Variants in MTUS2 observed in about 807,000 individuals in gnomAD.
MTUS2 encodes the protein microtubule-associated tumor suppressor candidate 2.
In MTUS2, 40 loss-of-function variants were observed where a neutral mutation model predicts 114.1. The ratio of observed to expected loss-of-function variants is 0.35; its 90% confidence interval spans 0.27 to 0.46. The LOEUF is 0.46. Among genes scored for constraint, MTUS2 ranks in the 20% least tolerant of loss-of-function variants. The pLI is 1.00. For synonymous variants in MTUS2, 688 were observed against 672.0 expected, an observed-to-expected ratio of 1.02 and a Z score of -0.37; for missense variants, 1,679 against 1,705.4, an observed-to-expected ratio of 0.98 and a Z score of 0.27.
chr13:29,313,876 C>T (rs573567695), intron 6 of MTUS2, among the ~76,000 whole-genome samples: 1 of 152,220 alleles, frequency 6.6e-6, no homozygotes, highest in East Asian at 1.9e-4. Flanking sequence ...TTATCAGTAG[C>T]AACCCTGGAA....
intron 4 of MTUS2, among the ~76,000 whole-genome samples, chr13:29,071,016 T>C (rs1888897180): frequency 6.6e-6 from 1 of 152,028 alleles, no homozygotes; most frequent in Non-Finnish European, 1.5e-5. Context: ...TATTGATTTA[T>C]TTTTTTGAGA....
At chr13:29,268,113 C>T (rs1897735448) in intron 5 of MTUS2, among the ~76,000 whole-genome samples, 1 of 152,084 alleles carries the variant, frequency 6.6e-6, no homozygotes, top group African/African-American at 2.4e-5. Flanking sequence ...TCGTCATCTA[C>T]ATTAGGTATT....
At chr13:29,130,301 C>CTGG (rs1385692842) in intron 5 of MTUS2, among the ~76,000 whole-genome samples, 1 of 152,206 alleles carries the variant, frequency 6.6e-6, no homozygotes, top group Non-Finnish European at 1.5e-5. Context: ...CCCATGTTAT[C>CTGG]TGGTCCCATT....
chr13:28,877,596 C>G (rs192658586), intron 2 of MTUS2, among the ~76,000 whole-genome samples: 228 of 152,120 alleles, frequency 1.5e-3, no homozygotes, highest in Non-Finnish European at 2.9e-3. Context: ...CATTACTCAT[C>G]GAAACTTGTT....
At chr13:29,093,304 G>A (rs369990833) in intron 4 of MTUS2, among the ~76,000 whole-genome samples, 1 of 152,058 alleles carries the variant, frequency 6.6e-6, no homozygotes, top group Admixed American at 6.6e-5. Flanking sequence ...TTAGCTGGGC[G>A]TGGTGGTGCA....
chr13:29,218,064 T>A (rs1273024112), intron 5 of MTUS2, among the ~76,000 whole-genome samples: 1 of 151,858 alleles, frequency 6.6e-6, no homozygotes, highest in African/African-American at 2.4e-5. Context: ...CTGCAGTGAG[T>A]TATGATTGTG....
At chr13:29,141,058 AT>A (rs1391953764) in intron 5 of MTUS2, among the ~76,000 whole-genome samples, 1 of 152,250 alleles carries the variant, frequency 6.6e-6, no homozygotes, top group Non-Finnish European at 1.5e-5. Flanking sequence ...TTAGCATAAA[AT>A]ATATTAATGT....
intron 11 of MTUS2, among the ~76,000 whole-genome samples, 160 bp from the exon 12 acceptor site, chr13:29,492,485 CA>C (rs1349004088): frequency 6.6e-6 from 1 of 152,030 alleles, no homozygotes; most frequent in Non-Finnish European, 1.5e-5. Flanking sequence ...CTGGTCATGA[CA>C]TACAATTTCA....
chr13:29,374,621 G>T (rs1871439796), intron 8 of MTUS2, among the ~76,000 whole-genome samples: 1 of 152,192 alleles, frequency 6.6e-6, no homozygotes, highest in Admixed American at 6.5e-5. Context: ...AAATAGGCCG[G>T]GCATGGAGGC....
intron 10 of MTUS2, chr13:29,485,248 T>A (rs900807634): frequency 3.3e-5 from 5 of 152,662 alleles, no homozygotes; most frequent in African/African-American, 1.2e-4. Context: ...TTCCTTCTGG[T>A]TCCAAGGTCC....
chr13:29,168,587 T>G (rs1051386053), intron 5 of MTUS2, among the ~76,000 whole-genome samples: 7 of 152,190 alleles, frequency 4.6e-5, no homozygotes, highest in African/African-American at 1.7e-4. Context: ...GCTTACTTAA[T>G]TTTACCAAAT....
At chr13:29,063,532 A>G (rs919608602) in intron 4 of MTUS2, among the ~76,000 whole-genome samples, 23 of 152,216 alleles carry the variant, frequency 1.5e-4, no homozygotes, top group African/African-American at 5.5e-4. Flanking sequence ...CAGTTTTGTT[A>G]TGAATTCTGC....
chr13:29,180,216 A>G (rs944700668), intron 5 of MTUS2, among the ~76,000 whole-genome samples: 7 of 152,228 alleles, frequency 4.6e-5, no homozygotes, highest in Non-Finnish European at 8.8e-5. Flanking sequence ...GCACTTTGTC[A>G]TGGCTGATTG....
intron 6 of MTUS2, chr13:29,306,727 G>A (rs1593284279): frequency 1.1e-5 from 3 of 280,868 alleles, no homozygotes; most frequent in Non-Finnish European, 2.2e-5. Flanking sequence ...TCTCCTGTTC[G>A]ACAGACAGCC....
Position 28,865,628 on chromosome 13 carries a change from C to G in MTUS2, c.-243+25778C>G, listed in dbSNP as rs147942397. The stretch of plus-strand genomic sequence containing the variant: ...CATTTTAAGCAGGGAGAAAATACAA[C>G]TTGTCCTGTGTAACAGTCAGGGCTT... On this transcript the variant is annotated intron_variant, in intron 2 of 15. Transcript: ENST00000612955. Among the ~76,000 whole-genome samples, 314 of 152,312 alleles carry G rather than the reference C, an allele frequency of 2.1e-3. 1 individual carries two copies. The highest frequency in any genetic ancestry group is 6.9e-3 in the African/African-American group (286 of 41,572).
At chr13:29,137,118 T>C (rs1448222124) in intron 5 of MTUS2, among the ~76,000 whole-genome samples, 2 of 152,232 alleles carry the variant, frequency 1.3e-5, no homozygotes, top group Non-Finnish European at 2.9e-5. Context: ...TTCTGCTGCA[T>C]CCTTATAAGA....
At chr13:29,236,428 C>A (rs1190550513) in intron 5 of MTUS2, among the ~76,000 whole-genome samples, 1 of 152,168 alleles carries the variant, frequency 6.6e-6, no homozygotes, top group Non-Finnish European at 1.5e-5. Flanking sequence ...AAAACTCAAG[C>A]CCTAGTACAA....
At chr13:29,276,940 GAAAAA>G (rs1036799094) in intron 5 of MTUS2, among the ~76,000 whole-genome samples, 1 of 151,808 alleles carries the variant, frequency 6.6e-6, no homozygotes, top group Admixed American at 6.6e-5. Context: ...AAATAAATAA[GAAAAA>G]AGAATAATAT....
intron 8 of MTUS2, among the ~76,000 whole-genome samples, chr13:29,368,389 G>A (rs1870919614): frequency 6.6e-6 from 1 of 152,088 alleles, no homozygotes; most frequent in Admixed American, 6.5e-5. Flanking sequence ...AATGCTTACA[G>A]TTAGATAGAA....
Sources: gnomAD v4.1 joint callset for allele counts (sites outside exome capture counted in the v4.1 genomes callset) on GRCh38, gnomAD v4.1.1 for gene constraint, MANE v1.5 for transcripts, NCBI Gene and HGNC (gene_info 2026-07-23, HGNC 2026-07-21) for gene names.